The following AFM variants were observed in gnomAD, a reference collection of about 807,000 sequenced individuals.
The protein encoded by AFM is alpha-Alb.
AFM carries 82 observed loss-of-function variants against 68.7 expected under a neutral mutation model. That is an observed-to-expected ratio of 1.19 (90% CI 1.00 to 1.43). The LOEUF (loss-of-function observed/expected upper bound fraction) is 1.43. Ranked by LOEUF, AFM falls within the 40% of genes most tolerant of loss-of-function variation. The probability of loss-of-function intolerance (pLI) is 0.00; values close to 1 mark genes in which losing one functional copy is unlikely to be tolerated. For missense variants in AFM, 772 were observed against 701.8 expected (o/e 1.10, Z -1.13); for synonymous variants, 250 against 234.2 (o/e 1.07, Z -0.61).
At chr4:73,482,443 G>A (rs896912520) in intron 1 of AFM, among the ~76,000 whole-genome samples, 4 of 152,126 alleles carry the variant, frequency 2.6e-5, no homozygotes, top group African/African-American at 4.8e-5. Flanking sequence ...TTTTGGCCTA[G>A]AAGGAGCTCC....
chr4:73,487,312 C>G (rs1369371963), intron 5 of AFM, among the ~76,000 whole-genome samples: 1 of 152,234 alleles, frequency 6.6e-6, no homozygotes, highest in East Asian at 1.9e-4. Context: ...TTCAGGGTCT[C>G]TCTTCCAGCT....
chr4:73,483,786 A>G (rs1720778384), intron 1 of AFM, among the ~76,000 whole-genome samples, 155 bp from the exon 2 acceptor site: 1 of 152,236 alleles, frequency 6.6e-6, no homozygotes, highest in Non-Finnish European at 1.5e-5. Context: ...TTTTGTTCAC[A>G]TGACTTATTT....
In AFM at chr4:73,492,105, G is replaced by T. The variant is rs770823046; in HGVS notation, c.1058+19G>T. On this transcript the variant is annotated intron_variant, in intron 8 of 14. Transcript: ENST00000226355. ...TTGCGAAGTAATATAACTCTTTATTGAATTTATAAGGGAAACAGAAAGAAA... is the reference window on the plus strand; with the variant it reads ...TTGCGAAGTAATATAACTCTTTATTTAATTTATAAGGGAAACAGAAAGAAA... 9.5e-6 allele frequency: 15 copies of T among 1,577,658 alleles called. No homozygotes were observed. Among genetic ancestry groups the T allele is most frequent in the Non-Finnish European group, 1.2e-5 (14 of 1,163,396 alleles).
At chr4:73,482,594 C>A (rs531527696) in intron 1 of AFM, among the ~76,000 whole-genome samples, 46 of 152,300 alleles carry the variant, frequency 3.0e-4, no homozygotes, top group Admixed American at 5.2e-4. Context: ...TTTCCTGCTC[C>A]TTTTCCCTCG....
At chr4:73,487,693 G>A (rs1720939316) in intron 5 of AFM, 31 bp from the exon 6 acceptor site, 4 of 1,440,064 alleles carry the variant, frequency 2.8e-6, no homozygotes, top group Non-Finnish European at 2.9e-6. Flanking sequence ...TTTTGCTATT[G>A]TTTCAAAAGA....
chr4:73,503,415 G>A (rs1721470960), intron 14 of AFM, among the ~76,000 whole-genome samples: 1 of 152,114 alleles, frequency 6.6e-6, no homozygotes, highest in South Asian at 2.1e-4. Flanking sequence ...GACCACAAAG[G>A]AGGGATGATG....
At position 73,488,649 on chromosome 4, in the gene AFM, CA is replaced by C. The variant is rs985591151; in HGVS notation, c.738del (p.Lys246AsnfsTer14). On this transcript the variant is annotated frameshift_variant, in exon 7 of 15. Coordinates refer to ENST00000226355, the MANE Select transcript of AFM (RefSeq NM_001133.2). LOFTEE classifies it high-confidence loss of function. The part of the protein sequence containing the change: ...VHFIYIAILS[Q>X]KFPKIEFKEL... The stretch of plus-strand genomic sequence containing the variant: ...TTCCAGATATATTGCGATACTCAGT[CA>C]AAAATTCCCCAAGATTGAATTTAAG... The C allele has an allele frequency of 1.2e-6, 2 of 1,610,550 alleles. No homozygotes were observed. Among genetic ancestry groups the C allele is most frequent in the African/African-American group, 2.7e-5 (2 of 74,780 alleles).
intron 7 of AFM, 67 bp downstream of exon 7, chr4:73,488,826 T>C: frequency 6.6e-7 from 1 of 1,518,894 alleles, no homozygotes; most frequent in Non-Finnish European, 9.0e-7. Context: ...TATTCTCAAG[T>C]TGCCCTGATA....
intron 9 of AFM, 61 bp from the exon 10 acceptor site, chr4:73,497,591 G>T: frequency 8.8e-7 from 1 of 1,138,936 alleles, no homozygotes; most frequent in South Asian, 1.5e-5. Context: ...ACACATTGAT[G>T]TAAAGCTTAT....
At chr4:73,489,295 T>C (rs1204687968) in intron 7 of AFM, among the ~76,000 whole-genome samples, 2 of 152,100 alleles carry the variant, frequency 1.3e-5, no homozygotes, top group Non-Finnish European at 2.9e-5. Flanking sequence ...TTCCCTTTCA[T>C]TTCTTTCCAC....
chr4:73,500,162 T>C lies in AFM; in HGVS notation c.1581T>C (p.Asp527=), dbSNP rs1167245882. The C allele has an allele frequency of 4.3e-6, 7 of 1,613,848 alleles. No individual in the cohort carries two copies. The highest frequency in any genetic ancestry group is 5.9e-6 in the Non-Finnish European group (7 of 1,179,962). The change falls in exon 12 of 15, where the codon GAT becomes GAC. Residue 527 remains aspartate, a synonymous_variant. Coordinates refer to ENST00000226355, the MANE Select transcript of AFM (RefSeq NM_001133.2). ...ATGTGCCTCCACCTTTCTCTCAAGA[T>C]TTATTTACCTTTCACGCAGACATGT... ...KTYVPPPFSQ[D]LFTFHADMCQ...
intron 1 of AFM, among the ~76,000 whole-genome samples, chr4:73,482,791 A>G (rs968563291): frequency 6.6e-6 from 1 of 152,092 alleles, no homozygotes; most frequent in African/African-American, 2.4e-5. Context: ...TTTATTTGAC[A>G]ATAGTTCTTT....
chr4:73,482,419 C>T (rs1269861993), intron 1 of AFM, among the ~76,000 whole-genome samples: 1 of 152,166 alleles, frequency 6.6e-6, no homozygotes, highest in Non-Finnish European at 1.5e-5. Context: ...GAGGAGGTGT[C>T]TTTTTCTAAT....
rs774134161 is a variant in AFM at position 73,491,881 on chromosome 4, A to G, written c.853A>G (p.Met285Val). The change falls in exon 8 of 15, where the codon ATG (methionine) becomes GTG (valine). Residue 285 changes from methionine to valine, a missense_variant. Transcript: ENST00000226355. ...TTCTTATTTGGTACAGAGCAAGGTT[A>G]TGAACCATATTTGTTCAAAACAAGA... ...VQCIRDTSKV[M>V]NHICSKQDSI... The G allele has an allele frequency of 6.2e-7, 1 of 1,612,874 alleles. No homozygotes were observed. Among genetic ancestry groups the G allele is most frequent in the East Asian group, 2.2e-5 (1 of 44,856 alleles).
intron 12 of AFM, among the ~76,000 whole-genome samples, chr4:73,500,756 C>T (rs1318514907): frequency 2.0e-5 from 3 of 152,108 alleles, no homozygotes; most frequent in South Asian, 2.1e-4. Context: ...AAAGATCAGA[C>T]GTAGTCATGT....
intron 1 of AFM, among the ~76,000 whole-genome samples, chr4:73,483,117 T>C (rs1720761472): frequency 6.6e-6 from 1 of 152,186 alleles, no homozygotes; most frequent in African/African-American, 2.4e-5. Context: ...TCATTCTCTC[T>C]CCACACAGAC....
At chr4:73,502,829 G>A (rs1721457210) in intron 13 of AFM, among the ~76,000 whole-genome samples, 2 of 152,144 alleles carry the variant, frequency 1.3e-5, no homozygotes, top group Non-Finnish European at 2.9e-5. Flanking sequence ...GAGTGAGTGT[G>A]TACATTAGGG....
Position 73,499,949 on chromosome 4 carries a change from G to T in AFM, c.1423-55G>T, listed in dbSNP as rs1424432240. ...AAGTATTCATCTAACCATATTTTTA[G>T]AAATTCCATTCAAGTTTTAAGATCG... is the stretch of plus-strand genomic sequence containing the variant. On this transcript the variant is annotated intron_variant, in intron 11 of 14. Transcript: ENST00000226355. The T allele has an allele frequency of 1.0e-5, 15 of 1,457,476 alleles. No individual in the cohort carries two copies. In the Admixed American group the frequency reaches 2.6e-4, roughly 25 times the overall value. 90.3% of individuals were successfully genotyped at this position (1,457,476 alleles called of 1,614,324 possible). A position where few individuals can be genotyped will look rare whatever the true frequency, so the allele number is the denominator to read the frequency against.
rs1223488799 is a variant in AFM at position 73,501,837 on chromosome 4, T to C, written c.1697T>C (p.Leu566Pro). The change falls in exon 13 of 15, where the codon CTG becomes CCG. Residue 566 changes from leucine to proline, a missense_variant. Physicochemically the swap from Leu to Pro is moderately conservative, Grantham distance 98 (BLOSUM62 -3). Coordinates refer to ENST00000226355, the MANE Select transcript of AFM (RefSeq NM_001133.2). Reference sequence around the variant, plus strand: ...AAGCATGAACTCACAGATGAAGAGCTGCAGTCTTTGTTTACAAATTTCGCA... The same window carrying C: ...AAGCATGAACTCACAGATGAAGAGCCGCAGTCTTTGTTTACAAATTTCGCA... Reference protein sequence around the residue: ...KLKHELTDEELQSLFTNFANV... With the variant: ...KLKHELTDEEPQSLFTNFANV... 1.2e-6 allele frequency: 2 copies of C among 1,613,334 alleles called. No homozygotes were observed. The highest frequency in any genetic ancestry group is 1.7e-6 in the Non-Finnish European group (2 of 1,179,646).
Sources: gnomAD v4.1 joint callset for allele counts (sites outside exome capture counted in the v4.1 genomes callset) on GRCh38, gnomAD v4.1.1 for gene constraint, MANE v1.5 for transcripts, NCBI Gene and HGNC (gene_info 2026-07-23, HGNC 2026-07-21) for gene names.